SPG11: variants seen among roughly 807,000 people sequenced by gnomAD.
SPG11 encodes SPG11 vesicle trafficking associated, spatacsin.
Under a neutral mutation model 274.0 loss-of-function variants are expected in SPG11, and 222 were observed. That is an observed-to-expected ratio of 0.81 (90% CI 0.73 to 0.91). The LOEUF (loss-of-function observed/expected upper bound fraction) is 0.91. Among genes scored for constraint, SPG11 ranks in the 40% least tolerant of loss-of-function variants. The pLI is 0.00. For synonymous variants in SPG11, 1,144 were observed against 1,039.7 expected (o/e 1.10, Z -1.93); for missense variants, 3,114 against 2,872.7 (o/e 1.08, Z -1.92).
chr15:44,651,586 T>A lies in SPG11; in HGVS notation c.1361A>T (p.Asp454Val). ...ERMGYTITLW[D>V]LETQGMQCFS... Reference sequence around the variant, plus strand: ...ACACTGCATGCCCTGGGTCTCCAAATCCCAGAGGGTAATGGTATAGCCCAT... The same window carrying A: ...ACACTGCATGCCCTGGGTCTCCAAAACCCAGAGGGTAATGGTATAGCCCAT... Residue 454 changes from aspartate to valine, a missense_variant, in exon 6 of 40, where the codon GAT (aspartate) becomes GTT (valine). By Grantham distance (152) the Asp-to-Val change is radical. Coordinates refer to ENST00000261866, the MANE Select transcript of SPG11 (RefSeq NM_025137.4). The A allele has an allele frequency of 6.2e-7, 1 of 1,614,180 alleles. No individual in the cohort carries two copies. Among genetic ancestry groups the A allele is most frequent in the South Asian group, 1.1e-5 (1 of 91,084 alleles).
In SPG11 at chr15:44,564,602, C is replaced by T; in HGVS notation, c.7096G>A (p.Glu2366Lys). The change falls in exon 39 of 40, where the codon GAA becomes AAA. Residue 2366 changes from glutamate to lysine, a missense_variant. By Grantham distance (56) the Glu-to-Lys change is moderately conservative. Transcript: ENST00000261866. The stretch of plus-strand genomic sequence containing the variant: ...TTTAATAACCTTTGCTGCTTAAATT[C>T]TTCCAAGTAATTAAAGTCTCCTTTA... Reference protein sequence around the residue: ...ILKGDFNYLEEFKQQRLLKSS... With the variant: ...ILKGDFNYLEKFKQQRLLKSS... The T allele has an allele frequency of 6.2e-7, 1 of 1,613,886 alleles. No homozygotes were observed. The highest frequency in any genetic ancestry group is 1.3e-5 in the African/African-American group (1 of 75,028).
Position 44,663,629 on chromosome 15 carries a change from C to G in SPG11, c.19G>C (p.Val7Leu), listed in dbSNP as rs774670657. The G allele has an allele frequency of 6.3e-7, 1 of 1,595,724 alleles. No homozygotes were observed. The highest frequency in any genetic ancestry group is 8.5e-7 in the Non-Finnish European group (1 of 1,176,510). Residue 7 changes from valine (V) to leucine (L), a missense_variant, in exon 1 of 40, where the codon GTC becomes CTC. Val to Leu is a conservative substitution (Grantham distance 32). Transcript: ENST00000261866. MAAEEGVASAASAGGSW... is the reference protein window; with the variant it reads MAAEEGLASAASAGGSW... ...CCGCCGGCGGAAGCAGCACTCGCGA[C>G]CCCTTCCTCTGCAGCCATCTTGGCC...
chr15:44,624,286 G>A (rs1446956553), intron 11 of SPG11, among the ~76,000 whole-genome samples: 3 of 151,176 alleles, frequency 2.0e-5, no homozygotes, highest in Middle Eastern at 3.4e-3. Flanking sequence ...CCAAGAGTTC[G>A]AGACCAGCCT....
intron 7 of SPG11, among the ~76,000 whole-genome samples, chr15:44,646,221 G>T (rs555165348): frequency 6.6e-6 from 1 of 152,250 alleles, no homozygotes; most frequent in Admixed American, 6.5e-5. Context: ...CAAAGATATG[G>T]AATCAACCTA....
intron 29 of SPG11, 30 bp from the exon 30 acceptor site, chr15:44,584,588 C>T (rs1467532779): frequency 1.9e-6 from 3 of 1,601,508 alleles, no homozygotes; most frequent in Middle Eastern, 1.7e-4. Flanking sequence ...AGATTTTAGC[C>T]TTTCTTGGAT....
At chr15:44,585,922 T>C in intron 28 of SPG11, 72 bp from the exon 29 acceptor site, 1 of 1,239,954 alleles carries the variant, frequency 8.1e-7, no homozygotes, top group Non-Finnish European at 1.2e-6. Flanking sequence ...GAGTAATACA[T>C]ATCAGGGGGA....
intron 33 of SPG11, among the ~76,000 whole-genome samples, chr15:44,571,199 C>G (rs1297590834): frequency 6.6e-6 from 1 of 152,216 alleles, no homozygotes; most frequent in Non-Finnish European, 1.5e-5. Context: ...ATCCTTAAAA[C>G]ATGCTGTAGC....
chr15:44,565,811 G>A (rs939194568), intron 38 of SPG11, 43 bp downstream of exon 38: 1 of 1,611,778 alleles, frequency 6.2e-7, no homozygotes, highest in East Asian at 2.2e-5. Flanking sequence ...CAGAAGGAGA[G>A]AGGATGCTAG....
chr15:44,653,792 A>G (rs2084855795), intron 4 of SPG11, among the ~76,000 whole-genome samples: 1 of 152,186 alleles, frequency 6.6e-6, no homozygotes, highest in Non-Finnish European at 1.5e-5. Context: ...GGTACCTGAA[A>G]CTGCAGATAG....
intron 20 of SPG11, among the ~76,000 whole-genome samples, chr15:44,604,931 CAAAAAAAAAAAAAAA>C (rs908048525): frequency 4.0e-4 from 9 of 22,490 alleles, no homozygotes; most frequent in East Asian, 3.6e-3. Flanking sequence ...ACTCCATCTC[CAAAAAAAAAAAAAAA>C]AAAAAAAAAA....
At chr15:44,594,474 G>A (rs914324479) in intron 26 of SPG11, among the ~76,000 whole-genome samples, 5 of 151,868 alleles carry the variant, frequency 3.3e-5, no homozygotes, top group Non-Finnish European at 7.4e-5. Flanking sequence ...GGCCAGGTGT[G>A]GTGACTGATG....
intron 1 of SPG11, among the ~76,000 whole-genome samples, chr15:44,662,752 A>G (rs1382295868): frequency 1.3e-5 from 2 of 152,078 alleles, no homozygotes; most frequent in African/African-American, 4.8e-5. Flanking sequence ...ACCAAGAGTT[A>G]CGGAAGTACA....
At position 44,626,858 on chromosome 15, in the gene SPG11, C is replaced by G. The variant is rs141200232; in HGVS notation, c.2068-351G>C. On this transcript the variant is annotated intron_variant, in intron 10 of 39. Transcript: ENST00000261866. ...GCTTGCTAGTAGAAGTAACTAGTAA[C>G]TGATGGGCAAAAAATTTAAAGACCA... Among the ~76,000 whole-genome samples, 19 of 151,430 alleles carry G rather than the reference C, an allele frequency of 1.3e-4. No homozygotes were observed. The East Asian group carries it at 3.1e-3, about 25-fold the overall frequency.
chr15:44,612,749 G>T (rs1420265269), intron 17 of SPG11, among the ~76,000 whole-genome samples: 1 of 151,412 alleles, frequency 6.6e-6, no homozygotes, highest in Non-Finnish European at 1.5e-5. Flanking sequence ...TTTTAACAAT[G>T]AACATATATT....
chr15:44,589,432 A>G lies in SPG11; in HGVS notation c.4744-18T>C. The stretch of plus-strand genomic sequence containing the variant: ...GTGTTAAGCTATGAAAGAAAAAGAG[A>G]AGCTTAGGGAAAGCAGTTTCATGAG... On this transcript the variant is annotated intron_variant, in intron 27 of 39. Transcript: ENST00000261866. 6.2e-7 allele frequency: 1 copy of G among 1,613,942 alleles called. No individual in the cohort carries two copies. The highest frequency in any genetic ancestry group is 8.5e-7 in the Non-Finnish European group (1 of 1,179,830).
intron 8 of SPG11, among the ~76,000 whole-genome samples, chr15:44,633,209 A>T (rs1336779414): frequency 6.6e-6 from 1 of 151,506 alleles, no homozygotes; most frequent in Non-Finnish European, 1.5e-5. Context: ...ATACACGTGT[A>T]GTCCCAGCTA....
At chr15:44,597,446 T>C (rs772135985) in intron 23 of SPG11, among the ~76,000 whole-genome samples, 2 of 152,188 alleles carry the variant, frequency 1.3e-5, no homozygotes, top group South Asian at 2.1e-4. Context: ...TAAGGCAGAA[T>C]AGCTAGCTTA....
chr15:44,613,727 T>C (rs372096061), intron 16 of SPG11, among the ~76,000 whole-genome samples, 191 bp from the exon 17 acceptor site: 7 of 152,360 alleles, frequency 4.6e-5, no homozygotes, highest in Non-Finnish European at 7.3e-5. Flanking sequence ...ATTTTAGAGA[T>C]AGAGATTTTA....
rs529595414 is a variant in SPG11, at chr15:44,598,828, T to C, written c.3695A>G (p.Gln1232Arg). The C allele has an allele frequency of 1.1e-5, 18 of 1,614,158 alleles. No homozygotes were observed. In the Admixed American group the frequency reaches 1.3e-4, roughly 12 times the overall value. ...TATAACATAGGCTTCATTGCCTACTTGCTGGATCCTGAAAAAGAAAGGAAT... is the reference window on the plus strand; with the variant it reads ...TATAACATAGGCTTCATTGCCTACTCGCTGGATCCTGAAAAAGAAAGGAAT... The part of the protein sequence containing the change: ...KSKTPKQLIQ[Q>R]VGNEAYVIGL... The change falls in exon 22 of 40, where the codon CAA (glutamine) becomes CGA (arginine). Residue 1232 changes from glutamine to arginine, a missense_variant. By Grantham distance (43) the Gln-to-Arg change is conservative. Transcript: ENST00000261866.
Sources: gnomAD v4.1 joint callset for allele counts (sites outside exome capture counted in the v4.1 genomes callset) on GRCh38, gnomAD v4.1.1 for gene constraint, MANE v1.5 for transcripts, NCBI Gene and HGNC (gene_info 2026-07-23, HGNC 2026-07-21) for gene names.